Variants in FRMD4B observed in about 807,000 individuals in gnomAD.
FRMD4B encodes the protein FERM domain containing 4B.
FRMD4B carries 74 observed loss-of-function variants against 141.5 expected under a neutral mutation model. The ratio of observed to expected loss-of-function variants is 0.52; its 90% CI spans 0.43 to 0.63. FRMD4B has a LOEUF of 0.63. Among genes scored for constraint, FRMD4B ranks in the 30% least tolerant of loss-of-function variants. The pLI, the probability that FRMD4B is intolerant of heterozygous loss-of-function variation, is 0.00. For missense variants in FRMD4B, 1,366 were observed against 1,253.4 expected, an observed-to-expected ratio of 1.09 and a Z score of -1.36; for synonymous variants, 506 against 467.9, an observed-to-expected ratio of 1.08 and a Z score of -1.05.
chr3:69,346,247 T>A (rs555417189), intron 1 of FRMD4B, among the ~76,000 whole-genome samples: 1 of 151,832 alleles, frequency 6.6e-6, no homozygotes, highest in Non-Finnish European at 1.5e-5. Context: ...GAAGATTAAA[T>A]GAATGAAATG....
chr3:69,283,975 C>CAAAAAAAAAAAAA (rs544611686), intron 5 of FRMD4B, among the ~76,000 whole-genome samples: 5 of 147,260 alleles, frequency 3.4e-5, no homozygotes, highest in South Asian at 2.1e-4. Flanking sequence ...CAAAACAAAA[C>CAAAAAAAAAAAAA]AAAAAAAACA....
chr3:69,500,198 C>G (rs1208664468), intron 1 of FRMD4B, among the ~76,000 whole-genome samples: 1 of 152,192 alleles, frequency 6.6e-6, no homozygotes, highest in Non-Finnish European at 1.5e-5. Context: ...CCCCGGGCTG[C>G]TCTGGAGTTG....
chr3:69,417,005 C>G (rs1317583858), intron 2 of FRMD4B, among the ~76,000 whole-genome samples: 4 of 152,084 alleles, frequency 2.6e-5, no homozygotes, highest in African/African-American at 9.7e-5. Context: ...GGTGCTGCAA[C>G]AAACATATGT....
At chr3:69,277,164 C>T (rs115238731) in intron 5 of FRMD4B, among the ~76,000 whole-genome samples, 1,532 of 152,208 alleles carry the variant, frequency 0.01, 28 homozygotes, top group African/African-American at 0.035. Flanking sequence ...TGTCTTTCCA[C>T]ATTTATTTAA....
chr3:69,389,836 G>A (rs1704341766), upstream of FRMD4B, among the ~76,000 whole-genome samples: 1 of 152,098 alleles, frequency 6.6e-6, no homozygotes. Context: ...CACCCTTGAA[G>A]CTAGTCTAAA....
rs144754255 is a variant in FRMD4B at position 69,535,354 on chromosome 3, G to C, written c.-129+6852C>G. 2.2e-3 allele frequency among the ~76,000 whole-genome samples: 340 copies of C among 152,330 alleles called. 3 individuals are homozygous for C. The highest frequency in any genetic ancestry group is 7.8e-3 in the African/African-American group (326 of 41,566). ...TTGGCTGTACAGTGAGGGGTGTTAG[G>C]AGTCCCCACCTCATAGGGTGCGGTG... On this transcript the variant is annotated intron_variant, in intron 1 of 5. Transcript: ENST00000459638.
At chr3:69,470,068 T>TGGGAATA (rs1705862277) in intron 1 of FRMD4B, among the ~76,000 whole-genome samples, 1 of 152,158 alleles carries the variant, frequency 6.6e-6, no homozygotes, top group African/African-American at 2.4e-5. Context: ...TCCAAGATGA[T>TGGGAATA]GGGAATATTT....
At chr3:69,498,256 T>C (rs1399957218) in intron 1 of FRMD4B, among the ~76,000 whole-genome samples, 1 of 152,242 alleles carries the variant, frequency 6.6e-6, no homozygotes, top group Non-Finnish European at 1.5e-5. Context: ...GAGTAGCATT[T>C]GGACAATTTG....
At chr3:69,303,851 T>C (rs774024344) in intron 3 of FRMD4B, among the ~76,000 whole-genome samples, 10 of 152,144 alleles carry the variant, frequency 6.6e-5, no homozygotes, top group South Asian at 2.1e-4. Flanking sequence ...GGAGGATCAC[T>C]TGGGCCCAGG....
intron 1 of FRMD4B, among the ~76,000 whole-genome samples, chr3:69,528,368 T>A (rs1384067699): frequency 6.8e-6 from 1 of 147,826 alleles, no homozygotes; most frequent in African/African-American, 2.7e-5. Context: ...CTCTCTCTCT[T>A]TTTTTTCTTT....
intron 5 of FRMD4B, among the ~76,000 whole-genome samples, chr3:69,255,749 G>A (rs1337232150): frequency 6.6e-6 from 1 of 151,982 alleles, no homozygotes; most frequent in African/African-American, 2.4e-5. Flanking sequence ...ACCCACTCCA[G>A]GATTTTCTGA....
intron 1 of FRMD4B, among the ~76,000 whole-genome samples, chr3:69,360,060 C>A (rs1293659792): frequency 1.3e-5 from 2 of 152,132 alleles, no homozygotes; most frequent in Non-Finnish European, 2.9e-5. Flanking sequence ...TGTTAGATTT[C>A]CTTCCTGTCT....
At position 69,259,560 on chromosome 3, in the gene FRMD4B, G is replaced by C. The variant is rs371869600; in HGVS notation, c.502-9461C>G. Among the ~76,000 whole-genome samples the C allele has an allele frequency of 3.0e-4, 46 of 152,222 alleles. 1 individual carries two copies. Among genetic ancestry groups the C allele is most frequent in the African/African-American group, 1.0e-3 (42 of 41,554 alleles). ...TGTTGCTTCTTAAATTCATATGTCT[G>C]TTTTTAGATTCTCTCCTTTGCTCTG... is the stretch of plus-strand genomic sequence containing the variant. On this transcript the variant is annotated intron_variant, in intron 5 of 22. Transcript: ENST00000398540.
At chr3:69,479,667 C>A (rs369893103) in intron 1 of FRMD4B, among the ~76,000 whole-genome samples, 76 of 152,220 alleles carry the variant, frequency 5.0e-4, no homozygotes, top group African/African-American at 1.5e-3. Flanking sequence ...ACTTTGGTGA[C>A]TCTGACAATT....
chr3:69,196,474 T>TA (rs1228365193), intron 13 of FRMD4B, 78 bp from the exon 14 acceptor site: 1 of 1,107,336 alleles, frequency 9.0e-7, no homozygotes, highest in African/African-American at 1.6e-5. Flanking sequence ...TAACATACAA[T>TA]AAAAATAGCA....
intron 2 of FRMD4B, among the ~76,000 whole-genome samples, chr3:69,407,567 G>A (rs1299003517): frequency 1.3e-5 from 2 of 152,224 alleles, no homozygotes; most frequent in African/African-American, 2.4e-5. Flanking sequence ...CAACCCAAAC[G>A]ATGTTCAGGG....
intron 2 of FRMD4B, among the ~76,000 whole-genome samples, chr3:69,312,915 C>A (rs1445549371): frequency 6.6e-6 from 1 of 152,024 alleles, no homozygotes; most frequent in Non-Finnish European, 1.5e-5. Context: ...CTATCTATAT[C>A]ATCACTTATA....
intron 11 of FRMD4B, among the ~76,000 whole-genome samples, chr3:69,211,372 T>C (rs991001922): frequency 1.3e-5 from 2 of 152,126 alleles, no homozygotes; most frequent in African/African-American, 4.8e-5. Flanking sequence ...TGCATCACTG[T>C]ACTACACTAC....
chr3:69,338,112 G>T (rs1338195888), intron 1 of FRMD4B, among the ~76,000 whole-genome samples: 1 of 152,186 alleles, frequency 6.6e-6, no homozygotes, highest in Non-Finnish European at 1.5e-5. Context: ...ATACACCATG[G>T]AATACTCTGC....
Sources: allele counts gnomAD v4.1 joint callset (sites outside exome capture counted in the v4.1 genomes callset), GRCh38; gene constraint gnomAD v4.1.1; transcripts MANE v1.5; gene names NCBI Gene and HGNC (gene_info 2026-07-23, HGNC 2026-07-21).